NLRP1: variants seen among roughly 807,000 people sequenced by gnomAD.
NLRP1 encodes NACHT, LRR and PYD domains-containing protein 1.
Under a neutral mutation model 136.7 loss-of-function variants are expected in NLRP1, and 94 were observed. The ratio of observed to expected loss-of-function variants is 0.69; its 90% CI spans 0.58 to 0.82. NLRP1 has a LOEUF of 0.82. Ranked by LOEUF, NLRP1 falls within the 40% of genes least tolerant of loss-of-function variation. NLRP1 has a pLI of 0.00. For missense variants in NLRP1, 1,575 were observed against 1,802.7 expected (o/e 0.87, Z 2.29); for synonymous variants, 690 against 725.1 (o/e 0.95, Z 0.78).
At position 5,559,655 on chromosome 17, in the gene NLRP1, C is replaced by T. The variant is rs1316957747; in HGVS notation, c.1041G>A (p.Val347=). 2 of 1,614,150 alleles carry T rather than the reference C, an allele frequency of 1.2e-6. No homozygotes were observed. The highest frequency in any genetic ancestry group is 1.3e-5 in the African/African-American group (1 of 74,952). ...GIGKSTLARQ[V]KEAWGRGQLY... ...GCTGGCCTCTCCCCCAGGCTTCCTT[C>T]ACCTGCCTGGCCAGTGTTGACTTCC... Residue 347 remains valine (V), a synonymous_variant, in exon 4 of 17, where the codon GTG becomes GTA. Coordinates refer to ENST00000572272, the MANE Select transcript of NLRP1 (RefSeq NM_033004.4).
At chr17:5,575,178 TG>T (rs1904888352) in intron 3 of NLRP1, among the ~76,000 whole-genome samples, 1 of 152,098 alleles carries the variant, frequency 6.6e-6, no homozygotes, top group South Asian at 2.1e-4. Flanking sequence ...CATGCCAAAC[TG>T]TAAAGACCAC....
intron 3 of NLRP1, among the ~76,000 whole-genome samples, chr17:5,571,850 A>G (rs1200571769): frequency 3.9e-5 from 6 of 152,228 alleles, no homozygotes; most frequent in African/African-American, 1.4e-4. Context: ...TTTAAACTAT[A>G]CTACAAGGCA....
At chr17:5,520,609 A>G (rs555047115) in intron 14 of NLRP1, among the ~76,000 whole-genome samples, 2 of 152,302 alleles carry the variant, frequency 1.3e-5, no homozygotes, top group East Asian at 3.9e-4. Flanking sequence ...GGTGGTCTGG[A>G]CTGAAGGACA....
At chr17:5,547,116 T>C (rs1227087297) in intron 5 of NLRP1, among the ~76,000 whole-genome samples, 3 of 152,122 alleles carry the variant, frequency 2.0e-5, no homozygotes, top group African/African-American at 7.2e-5. Context: ...ACTAAATACA[T>C]AGCATACATG....
chr17:5,514,562 C>T lies in NLRP1; in HGVS notation c.*192G>A. On this transcript the variant is annotated 3_prime_UTR_variant, in exon 17 of 17. Coordinates refer to ENST00000572272, the MANE Select transcript of NLRP1 (RefSeq NM_033004.4). Reference sequence around the variant, plus strand: ...GACATTCCCTGAGATGCTGTTAGGCCACCTGGACTGGGGCCCCCTGTGGCA... The same window carrying T: ...GACATTCCCTGAGATGCTGTTAGGCTACCTGGACTGGGGCCCCCTGTGGCA... 6 of 1,433,646 alleles carry T rather than the reference C, an allele frequency of 4.2e-6. No individual in the cohort carries two copies. In the South Asian group the frequency reaches 9.0e-5, roughly 22 times the overall value. 88.8% of individuals were successfully genotyped at this position (1,433,646 alleles called of 1,614,324 possible).
At chr17:5,567,197 C>A (rs1915432220) in intron 3 of NLRP1, among the ~76,000 whole-genome samples, 1 of 151,920 alleles carries the variant, frequency 6.6e-6, no homozygotes, top group Non-Finnish European at 1.5e-5. Flanking sequence ...TTACTCTTGC[C>A]ATTTTATTAT....
In NLRP1 at chr17:5,559,287, A is replaced by G. The variant is rs762736310; in HGVS notation, c.1409T>C (p.Leu470Ser). ...GACCTCTACCCAACGTGCCTGCTCCAAAGAAGGAATGAGGTTCTGCAGAGC... is the reference window on the plus strand; with the variant it reads ...GACCTCTACCCAACGTGCCTGCTCCGAAGAAGGAATGAGGTTCTGCAGAGC... ...TTALQNLIPSLEQARWVEVLG... is the reference protein window; with the variant it reads ...TTALQNLIPSSEQARWVEVLG... Residue 470 changes from leucine (L) to serine (S), a missense_variant, in exon 4 of 17, where the codon TTG becomes TCG. Physicochemically the swap from Leu to Ser is moderately radical, Grantham distance 145. Coordinates refer to ENST00000572272, the MANE Select transcript of NLRP1 (RefSeq NM_033004.4). The G allele has an allele frequency of 6.8e-6, 11 of 1,614,186 alleles. No homozygotes were observed. In the South Asian group the frequency reaches 1.2e-4, roughly 18 times the overall value.
chr17:5,521,900 C>T, intron 12 of NLRP1, 114 bp from the exon 13 acceptor site: 10 of 1,044,018 alleles, frequency 9.6e-6, no homozygotes, highest in Non-Finnish European at 1.2e-5. Flanking sequence ...TCTCGGCTCA[C>T]TGCAACCTCC....
chr17:5,572,544 A>G (rs945038859), intron 3 of NLRP1, among the ~76,000 whole-genome samples: 2 of 152,058 alleles, frequency 1.3e-5, no homozygotes, highest in Non-Finnish European at 2.9e-5. Flanking sequence ...GACCATCTCT[A>G]CTAAAAAATA....
chr17:5,515,568 A>G (rs1300780861), intron 15 of NLRP1, 51 bp from the exon 16 acceptor site: 1 of 1,397,018 alleles, frequency 7.2e-7, no homozygotes, highest in South Asian at 1.2e-5. Context: ...TAAGTTATTA[A>G]CACACATGGT....
At chr17:5,536,682 C>A (rs558973987) in intron 8 of NLRP1, among the ~76,000 whole-genome samples, 169 bp downstream of exon 8, 1 of 152,194 alleles carries the variant, frequency 6.6e-6, no homozygotes. Context: ...AGAGTTGAAG[C>A]AAGGGGGGAT....
intron 12 of NLRP1, among the ~76,000 whole-genome samples, chr17:5,522,693 A>G (rs1909048077): frequency 6.6e-6 from 1 of 152,180 alleles, no homozygotes; most frequent in Non-Finnish European, 1.5e-5. Context: ...AGTGGAGCTC[A>G]AGGATCACCC....
chr17:5,563,440 C>T (rs1016169841), intron 3 of NLRP1, among the ~76,000 whole-genome samples: 2 of 152,224 alleles, frequency 1.3e-5, no homozygotes, highest in South Asian at 2.1e-4. Flanking sequence ...CCAAACTGAT[C>T]TGATAGAGCT....
Position 5,541,984 on chromosome 17 carries a change from C to G in NLRP1, c.2572G>C (p.Ala858Pro), listed in dbSNP as rs200459692. Reference protein sequence around the residue: ...GLTAEDCKDLAFGLRANQTLT... With the variant: ...GLTAEDCKDLPFGLRANQTLT... ...GTCTGGTTGGCTCTCAGCCCAAAGG[C>G]AAGGTCCTTGCAGTCCTCAGCTGTG... The change falls in exon 6 of 17, where the codon GCC (alanine) becomes CCC (proline). Residue 858 changes from alanine to proline, a missense_variant. Coordinates refer to ENST00000572272, the MANE Select transcript of NLRP1 (RefSeq NM_033004.4). This position sits in a 1 kb window ranked among gnomAD's most constrained non-coding sequence, Gnocchi z 4.2. The G allele has an allele frequency of 2.5e-6, 4 of 1,614,082 alleles. No homozygotes were observed. In the South Asian group the frequency reaches 4.4e-5, roughly 18 times the overall value.
At chr17:5,503,625 G>C (rs1357028802) in intron 15 of NLRP1, 3 of 152,162 alleles carry the variant, frequency 2.0e-5, no homozygotes, top group African/African-American at 7.2e-5. Flanking sequence ...GAGAGAGCTT[G>C]GCTGACTCCA....
chr17:5,520,209 C>T (rs12937745), intron 14 of NLRP1, among the ~76,000 whole-genome samples: 3,196 of 152,252 alleles, frequency 0.021, 62 homozygotes, highest in Middle Eastern at 0.055. Context: ...TGCCATTGCA[C>T]TTAGAACAAA....
chr17:5,511,732 T>TTCCC (rs111311136), downstream of NLRP1, among the ~76,000 whole-genome samples: 69,834 of 149,570 alleles, frequency 0.47, 17,068 homozygotes, highest in East Asian at 0.88. Flanking sequence ...CCTTCCTTCT[T>TTCCC]TCCCTCCCTC....
chr17:5,511,518 G>A (rs1225538775), downstream of NLRP1, among the ~76,000 whole-genome samples: 3 of 151,826 alleles, frequency 2.0e-5, no homozygotes, highest in Non-Finnish European at 4.4e-5. Flanking sequence ...GTTTGTGTCT[G>A]GCCTTTCTCC....
chr17:5,545,413 C>T (rs1345901333), intron 5 of NLRP1, among the ~76,000 whole-genome samples: 3 of 150,272 alleles, frequency 2.0e-5, no homozygotes, highest in African/African-American at 7.4e-5. Context: ...TACACACACA[C>T]ATACACAGAC....
Sources: allele counts gnomAD v4.1 joint callset (sites outside exome capture counted in the v4.1 genomes callset), GRCh38; gene constraint gnomAD v4.1.1; non-coding constraint Gnocchi (gnomAD v3.1); transcripts MANE v1.5; gene names NCBI Gene and HGNC (gene_info 2026-07-23, HGNC 2026-07-21).